DACH2: variants seen among roughly 807,000 people sequenced by gnomAD.
DACH2 encodes dachshund homolog 2.
A neutral mutation model predicts 35.8 loss-of-function variants in DACH2; 17 were observed. That is an observed-to-expected ratio of 0.48 (90% CI 0.33 to 0.71). DACH2 has a LOEUF of 0.71. Ranked by LOEUF, DACH2 falls within the 30% of genes least tolerant of loss-of-function variation. The pLI is 0.02. For missense variants in DACH2, 469 were observed against 472.7 expected (o/e 0.99, Z 0.07); for synonymous variants, 195 against 177.3 (o/e 1.10, Z -0.79).
chrX:86,763,761 G>A (rs1251172732), intron 7 of DACH2, among the ~76,000 whole-genome samples: 1 of 112,062 alleles, frequency 8.9e-6, no homozygotes, highest in Non-Finnish European at 1.9e-5. Context: ...ACAGGAAAGA[G>A]GTGTAAGGGG....
intron 1 of DACH2, among the ~76,000 whole-genome samples, chrX:86,181,734 G>T (rs771731089): frequency 9.0e-6 from 1 of 111,218 alleles, no homozygotes; most frequent in Non-Finnish European, 1.9e-5. Context: ...TGGTATTTCT[G>T]GTTCTAGATT....
At chrX:86,553,811 C>A (rs1488969815) in intron 3 of DACH2, among the ~76,000 whole-genome samples, 1 of 111,845 alleles carries the variant, frequency 8.9e-6, no homozygotes, top group African/African-American at 3.3e-5. Context: ...ACCCCCATGG[C>A]AAACAGCCTT....
At chrX:86,810,402 T>C (rs1024413817) in intron 7 of DACH2, among the ~76,000 whole-genome samples, 7 of 111,887 alleles carry the variant, frequency 6.3e-5, no homozygotes, top group African/African-American at 2.3e-4. Context: ...TTCAGGGAAA[T>C]GATTATATTG....
At chrX:86,669,234 T>C (rs951504106) in intron 4 of DACH2, among the ~76,000 whole-genome samples, 2 of 110,469 alleles carry the variant, frequency 1.8e-5, no homozygotes, top group Non-Finnish European at 3.8e-5. Context: ...TCAAAACACA[T>C]GTATTATTGC....
intron 3 of DACH2, among the ~76,000 whole-genome samples, chrX:86,608,402 C>T (rs1434545920): frequency 9.0e-6 from 1 of 111,630 alleles, no homozygotes; most frequent in Non-Finnish European, 1.9e-5. Context: ...TTTGACCCAG[C>T]CATCCCATTA....
At chrX:86,790,370 G>A (rs1463630485) in intron 7 of DACH2, among the ~76,000 whole-genome samples, 3 of 111,510 alleles carry the variant, frequency 2.7e-5, no homozygotes, top group African/African-American at 6.5e-5. Flanking sequence ...ATGTAATAAA[G>A]AACAAGTACA....
At chrX:86,670,045 T>G (rs1015333476) in intron 4 of DACH2, among the ~76,000 whole-genome samples, 1 of 111,508 alleles carries the variant, frequency 9.0e-6, no homozygotes, top group Non-Finnish European at 1.9e-5. Flanking sequence ...AAAAATAACC[T>G]GTTTGAGCTC....
chrX:86,635,346 AAC>A (rs1299076992), intron 3 of DACH2, among the ~76,000 whole-genome samples: 2 of 92,053 alleles, frequency 2.2e-5, no homozygotes, highest in Non-Finnish European at 4.4e-5. Flanking sequence ...AAAAAAAAAA[AAC>A]CTCTCAAACT....
chrX:86,622,627 T>G (rs1325344000), intron 3 of DACH2, among the ~76,000 whole-genome samples: 1 of 111,885 alleles, frequency 8.9e-6, no homozygotes, highest in Non-Finnish European at 1.9e-5. Flanking sequence ...TTGATGAAAA[T>G]GCCTTGTAAT....
intron 1 of DACH2, among the ~76,000 whole-genome samples, chrX:86,272,989 C>T (rs1194861260): frequency 9.0e-6 from 1 of 111,147 alleles, no homozygotes; most frequent in East Asian, 2.8e-4. Context: ...AAGAGATTTC[C>T]CTTCTTCCCA....
chrX:86,537,063 T>A (rs2038812289), intron 3 of DACH2, among the ~76,000 whole-genome samples: 1 of 111,175 alleles, frequency 9.0e-6, no homozygotes, highest in Non-Finnish European at 1.9e-5. Context: ...ATTGGAGACA[T>A]CCTTTGAAAT....
chrX:86,466,699 C>T (rs189243889), intron 2 of DACH2, among the ~76,000 whole-genome samples: 99 of 111,968 alleles, frequency 8.8e-4, no homozygotes, highest in Non-Finnish European at 1.6e-3. Context: ...GCCTGAGTAT[C>T]TAGGCATTTC....
chrX:86,348,422 C>T (rs904330058), intron 1 of DACH2, among the ~76,000 whole-genome samples: 7 of 111,422 alleles, frequency 6.3e-5, no homozygotes, highest in Non-Finnish European at 1.3e-4. Flanking sequence ...CCTTTGTTTC[C>T]AGGGTATCTT....
At chrX:86,754,360 A>T (rs2041805949) in intron 7 of DACH2, among the ~76,000 whole-genome samples, 1 of 111,279 alleles carries the variant, frequency 9.0e-6, no homozygotes. Flanking sequence ...ATAAATGAGG[A>T]TATGGCAATA....
intron 3 of DACH2, among the ~76,000 whole-genome samples, chrX:86,528,832 T>C (rs1354584450): frequency 8.9e-6 from 1 of 112,331 alleles, no homozygotes; most frequent in Non-Finnish European, 1.9e-5. Context: ...TTGTACATAT[T>C]TATGAAGTAC....
chrX:86,564,476 G>T (rs776382529), intron 3 of DACH2, among the ~76,000 whole-genome samples: 4 of 111,405 alleles, frequency 3.6e-5, no homozygotes, highest in Non-Finnish European at 7.6e-5. Flanking sequence ...TGCAGAAAAA[G>T]ATTGCTACAG....
rs1371920614 is a variant in DACH2 at position 86,450,858 on chromosome X, A to T, written c.528-63421A>T. Among the ~76,000 whole-genome samples the T allele has an allele frequency of 2.7e-5, 3 of 110,853 alleles. No homozygotes were observed. The Admixed American group carries it at 2.9e-4, about 11-fold the overall frequency. On this transcript the variant is annotated intron_variant, in intron 2 of 11. Transcript: ENST00000373125. The stretch of plus-strand genomic sequence containing the variant: ...TTTTAAAAATATGTTTGTTGGCCAT[A>T]TGTATGTCTTCTTTGATAAGTGTCT...
intron 7 of DACH2, among the ~76,000 whole-genome samples, chrX:86,800,114 C>T (rs140801561): frequency 3.9e-4 from 44 of 112,195 alleles, no homozygotes; most frequent in African/African-American, 1.3e-3. Flanking sequence ...TAATCATTTA[C>T]GTTCAACTGC....
chrX:86,575,664 T>G (rs772132728), intron 3 of DACH2, among the ~76,000 whole-genome samples: 3 of 111,641 alleles, frequency 2.7e-5, no homozygotes, highest in Non-Finnish European at 5.7e-5. Context: ...TAAAACACAT[T>G]GAAAATACAA....
Sources: gnomAD v4.1 joint callset for allele counts (sites outside exome capture counted in the v4.1 genomes callset) on GRCh38, gnomAD v4.1.1 for gene constraint, MANE v1.5 for transcripts, NCBI Gene and HGNC (gene_info 2026-07-23, HGNC 2026-07-21) for gene names.